CTNNA2: variants seen among roughly 807,000 people sequenced by gnomAD.
CTNNA2 encodes catenin alpha 2, also known as catenin alpha-2.
In CTNNA2, 42 loss-of-function variants were observed where a neutral mutation model predicts 101.0. The observed-to-expected ratio is 0.42, with a 90% CI of 0.32 to 0.54. The LOEUF (loss-of-function observed/expected upper bound fraction) is 0.54, where lower values mean the gene tolerates loss of function less well. CTNNA2 is among the 20% of genes least tolerant of loss of function. CTNNA2 has a pLI of 0.14. For missense variants in CTNNA2, 871 were observed against 1,223.1 expected (o/e 0.71, Z 4.29); for synonymous variants, 450 against 456.4 (o/e 0.99, Z 0.18).
chr2:80,046,804 G>A (rs745442395), intron 7 of CTNNA2, among the ~76,000 whole-genome samples: 3 of 152,152 alleles, frequency 2.0e-5, no homozygotes, highest in Non-Finnish European at 2.9e-5. Flanking sequence ...CTAATTTTTA[G>A]TTCTCATAAC....
intron 1 of CTNNA2, among the ~76,000 whole-genome samples, chr2:79,195,078 C>T (rs1462020061): frequency 6.6e-6 from 1 of 152,078 alleles, no homozygotes; most frequent in Non-Finnish European, 1.5e-5. Flanking sequence ...TTCTTTGAAA[C>T]ATTCACAGTG....
intron 2 of CTNNA2, among the ~76,000 whole-genome samples, chr2:79,278,030 T>G (rs1365677566): frequency 6.6e-6 from 1 of 152,124 alleles, no homozygotes; most frequent in East Asian, 1.9e-4. Flanking sequence ...ATTCACCTTC[T>G]ACAGCATACT....
chr2:79,359,080 G>A (rs768196877), intron 3 of CTNNA2, among the ~76,000 whole-genome samples: 1 of 152,056 alleles, frequency 6.6e-6, no homozygotes, highest in Non-Finnish European at 1.5e-5. Flanking sequence ...TCCTGAATTA[G>A]TTAACTCAGC....
chr2:80,228,261 G>A (rs1338143875), intron 7 of CTNNA2, among the ~76,000 whole-genome samples: 6 of 152,172 alleles, frequency 3.9e-5, no homozygotes, highest in African/African-American at 1.2e-4. Context: ...AATCTGGTAG[G>A]TTCAAAATCA....
At chr2:79,681,263 T>C (rs1683545689) in intron 2 of CTNNA2, among the ~76,000 whole-genome samples, 1 of 152,218 alleles carries the variant, frequency 6.6e-6, no homozygotes, top group South Asian at 2.1e-4. Flanking sequence ...CCTGATCCAA[T>C]AGACACTCTT....
intron 3 of CTNNA2, among the ~76,000 whole-genome samples, chr2:79,770,956 T>TAAC (rs1209771762): frequency 6.6e-6 from 1 of 152,220 alleles, no homozygotes; most frequent in African/African-American, 2.4e-5. Flanking sequence ...AATTACCAGG[T>TAAC]AACACAGTTA....
chr2:79,676,149 T>A (rs1683170230), intron 2 of CTNNA2, among the ~76,000 whole-genome samples: 1 of 152,120 alleles, frequency 6.6e-6, no homozygotes, highest in Non-Finnish European at 1.5e-5. Flanking sequence ...ATAGCCTCCC[T>A]CTCCTGGAAG....
chr2:79,801,550 G>T (rs565522676), intron 3 of CTNNA2, among the ~76,000 whole-genome samples: 2 of 151,284 alleles, frequency 1.3e-5, no homozygotes, highest in Admixed American at 1.3e-4. Context: ...CATTTTTCCT[G>T]TCTCTGCAGA....
At chr2:79,619,695 A>G (rs1678868832) in intron 1 of CTNNA2, among the ~76,000 whole-genome samples, 1 of 152,172 alleles carries the variant, frequency 6.6e-6, no homozygotes, top group African/African-American at 2.4e-5. Flanking sequence ...CTCTGCTGCC[A>G]TCACCACTCC....
chr2:79,990,185 G>T (rs1216060355), intron 7 of CTNNA2, among the ~76,000 whole-genome samples: 3 of 152,082 alleles, frequency 2.0e-5, no homozygotes, highest in African/African-American at 7.2e-5. Context: ...CTCGCTCTAG[G>T]GAGAACTCAG....
chr2:80,298,014 T>C lies in CTNNA2; in HGVS notation c.1057-95197T>C, dbSNP rs112337580. ...TTATATATGTGTGTGTGTGTGGTAC[T>C]ATGTGGTTTTATATATTATATATTA... On this transcript the variant is annotated intron_variant, in intron 7 of 18. Coordinates refer to ENST00000402739, the MANE Select transcript of CTNNA2 (RefSeq NM_001282597.3). Among the ~76,000 whole-genome samples, 1,159 of 151,492 alleles carry C rather than the reference T, an allele frequency of 7.7e-3. 20 individuals carry two copies. The highest frequency in any genetic ancestry group is 0.027 in the African/African-American group (1,114 of 41,338).
intron 3 of CTNNA2, among the ~76,000 whole-genome samples, chr2:79,362,130 G>A (rs1054143975): frequency 9.2e-5 from 14 of 152,300 alleles, no homozygotes; most frequent in Middle Eastern, 3.4e-3. Context: ...CAATTAAGCA[G>A]TGACTATACT....
intron 4 of CTNNA2, among the ~76,000 whole-genome samples, chr2:79,869,183 G>A (rs1044259595): frequency 5.3e-5 from 8 of 152,302 alleles, no homozygotes; most frequent in Non-Finnish European, 1.2e-4. Flanking sequence ...CATTGGTAGG[G>A]CGGTGTGCTT....
intron 2 of CTNNA2, among the ~76,000 whole-genome samples, chr2:79,300,310 C>T (rs1015097731): frequency 1.3e-5 from 2 of 152,180 alleles, no homozygotes; most frequent in East Asian, 3.8e-4. Flanking sequence ...GATTCTTTTA[C>T]TTACCTTAAG....
chr2:79,756,555 G>GA (rs1416565157), intron 3 of CTNNA2, among the ~76,000 whole-genome samples: 1 of 152,052 alleles, frequency 6.6e-6, no homozygotes, highest in East Asian at 1.9e-4. Flanking sequence ...CATGATTCAT[G>GA]AAAAAAATTG....
At position 79,242,968 on chromosome 2, in the gene CTNNA2, A is replaced by AT. The variant is rs1558584464; in HGVS notation, c.-406+44892_-406+44893insT. On this transcript the variant is annotated intron_variant, in intron 2 of 21. Coordinates refer to the CTNNA2 transcript ENST00000466387. ...AGCAACAAAGTAAGATCCTGTCTCG[A>AT]AATATATATATATATATATATATAT... Among the ~76,000 whole-genome samples the AT allele has an allele frequency of 1.1e-3, 67 of 60,354 alleles. 1 individual carries two copies. The highest frequency in any genetic ancestry group is 2.9e-3 in the African/African-American group (58 of 20,192). 39.6% of individuals were successfully genotyped at this position (60,354 alleles called of 152,430 possible).
chr2:79,993,450 G>C (rs1162926182), intron 7 of CTNNA2, among the ~76,000 whole-genome samples: 2 of 152,226 alleles, frequency 1.3e-5, no homozygotes, highest in Non-Finnish European at 2.9e-5. Flanking sequence ...CTTGCCAGGA[G>C]TTTCCAATTT....
intron 3 of CTNNA2, among the ~76,000 whole-genome samples, chr2:79,330,324 G>T (rs528346440): frequency 6.6e-6 from 1 of 152,302 alleles, no homozygotes; most frequent in East Asian, 1.9e-4. Context: ...TCAAGACTCA[G>T]AGTTTGTAGG....
At chr2:79,779,185 G>T (rs1294254103) in intron 3 of CTNNA2, among the ~76,000 whole-genome samples, 1 of 151,726 alleles carries the variant, frequency 6.6e-6, no homozygotes, top group Non-Finnish European at 1.5e-5. Flanking sequence ...CTTTTTAATG[G>T]GGAAAAAATA....
Sources: allele counts gnomAD v4.1 joint callset (sites outside exome capture counted in the v4.1 genomes callset), GRCh38; gene constraint gnomAD v4.1.1; transcripts MANE v1.5; gene names NCBI Gene and HGNC (gene_info 2026-07-23, HGNC 2026-07-21).